Variants in SPO11 observed in about 807,000 individuals in gnomAD.
The protein encoded by SPO11 is SPO11 initiator of meiotic double strand breaks.
SPO11 carries 49 observed loss-of-function variants against 51.6 expected under a neutral mutation model. The ratio of observed to expected loss-of-function variants is 0.95; its 90% CI spans 0.75 to 1.20. The LOEUF (loss-of-function observed/expected upper bound fraction) is 1.20, where lower values mean the gene tolerates loss of function less well. Among genes scored for constraint, SPO11 ranks in the 50% most tolerant of loss-of-function variants. The probability of loss-of-function intolerance (pLI) is 0.00; values close to 1 mark genes in which losing one functional copy is unlikely to be tolerated. For synonymous variants in SPO11, 176 were observed against 158.2 expected, an observed-to-expected ratio of 1.11 and a Z score of -0.84; for missense variants, 431 against 473.4, an observed-to-expected ratio of 0.91 and a Z score of 0.83.
intron 8 of SPO11, among the ~76,000 whole-genome samples, chr20:57,336,282 C>T (rs968208810): frequency 6.6e-6 from 1 of 152,164 alleles, no homozygotes; most frequent in Admixed American, 6.5e-5. Flanking sequence ...CAATGAGGTC[C>T]ACACGTCAGA....
intron 5 of SPO11, 122 bp from the exon 6 acceptor site, chr20:57,334,628 A>C (rs778725171): frequency 4.5e-6 from 3 of 669,198 alleles, no homozygotes; most frequent in Non-Finnish European, 7.4e-6. Context: ...TTTCTCTTTC[A>C]TCTCTGAAAT....
At chr20:57,338,012 C>A (rs1335412340) in intron 8 of SPO11, among the ~76,000 whole-genome samples, 1 of 151,710 alleles carries the variant, frequency 6.6e-6, no homozygotes, top group Non-Finnish European at 1.5e-5. Context: ...CTCAGCCTCC[C>A]GAGTACCTGG....
chr20:57,336,052 G>T, intron 8 of SPO11, 145 bp downstream of exon 8: 4 of 570,262 alleles, frequency 7.0e-6, no homozygotes, highest in South Asian at 2.5e-5. Flanking sequence ...TTTCCAATGT[G>T]TTTATTTAAA....
chr20:57,337,191 T>C (rs1485623676), intron 8 of SPO11, among the ~76,000 whole-genome samples: 1 of 152,208 alleles, frequency 6.6e-6, no homozygotes, highest in Non-Finnish European at 1.5e-5. Flanking sequence ...GCGCTCTTCC[T>C]CTGCTCTCTG....
Position 57,334,836 on chromosome 20 carries a change from G to A in SPO11, c.597G>A (p.Thr199=), listed in dbSNP as rs772310926. ...GTKVNCTCGA[T]AVAVPSNIQG... ...AAGTGAATTGTACCTGTGGTGCAAC[G>A]GTAAGAAGCATCATTGAAGTTTTCA... Residue 199 remains threonine, a splice_region_variant and synonymous_variant, in exon 6 of 13, where the codon ACG becomes ACA. Transcript: ENST00000371263. 12 of 1,612,126 alleles carry A rather than the reference G, an allele frequency of 7.4e-6. No homozygotes were observed. Among genetic ancestry groups the A allele is most frequent in the Admixed American group, 5.0e-5 (3 of 59,904 alleles).
At chr20:57,342,516 T>C (rs1176026594) in intron 11 of SPO11, among the ~76,000 whole-genome samples, 5 of 152,180 alleles carry the variant, frequency 3.3e-5, no homozygotes, top group Admixed American at 6.6e-5. Context: ...CTTTAGAATC[T>C]TACTGTGGAA....
At chr20:57,331,126 A>AT (rs1324443669) in intron 1 of SPO11, among the ~76,000 whole-genome samples, 1 of 152,198 alleles carries the variant, frequency 6.6e-6, no homozygotes, top group Non-Finnish European at 1.5e-5. Context: ...ACAGAACAAC[A>AT]TTTTTTGCAG....
Position 57,329,967 on chromosome 20 carries a change from C to T in SPO11, c.100C>T (p.Pro34Ser), listed in dbSNP as rs142999149. 4.9e-5 allele frequency: 79 copies of T among 1,609,842 alleles called. No homozygotes were observed. The African/African-American group carries it at 7.2e-4, about 15-fold the overall frequency. ...LAALRRGGRE[P>S]PTGGSRLASS... ...TGCCCTGAGGAGAGGTGGCAGGGAG[C>T]CCCCAACTGGGGGAAGCCGCCTGGC... The change falls in exon 1 of 13, where the codon CCC becomes TCC. Residue 34 changes from proline to serine, a missense_variant. Transcript: ENST00000371263.
intron 8 of SPO11, among the ~76,000 whole-genome samples, chr20:57,337,281 G>A: frequency 6.6e-6 from 1 of 152,232 alleles, no homozygotes; most frequent in South Asian, 2.1e-4. Context: ...TTATTTTAAT[G>A]ACTTCATAAT....
chr20:57,337,019 C>G (rs1304670314), intron 8 of SPO11, among the ~76,000 whole-genome samples: 1 of 152,122 alleles, frequency 6.6e-6, no homozygotes, highest in African/African-American at 2.4e-5. Context: ...ATAATGCCAT[C>G]ACTTGGTGTG....
At chr20:57,339,128 G>A (rs1600686139) in intron 10 of SPO11, 102 bp downstream of exon 10, 2 of 714,066 alleles carry the variant, frequency 2.8e-6, no homozygotes, top group Admixed American at 3.3e-5. Context: ...GGCTGAGAGT[G>A]CCCAAAGTGT....
chr20:57,332,182 G>A (rs769307642), intron 2 of SPO11, among the ~76,000 whole-genome samples: 5 of 152,194 alleles, frequency 3.3e-5, no homozygotes, highest in Non-Finnish European at 7.3e-5. Context: ...AGCACCAGAA[G>A]AGGTTAGAAT....
intron 8 of SPO11, among the ~76,000 whole-genome samples, chr20:57,336,421 G>A (rs1396529083): frequency 6.6e-6 from 1 of 151,974 alleles, no homozygotes; most frequent in East Asian, 1.9e-4. Flanking sequence ...CAACCACCTG[G>A]TAGCCTCCAG....
In SPO11 at chr20:57,331,718, G is replaced by C. The variant is rs140422206; in HGVS notation, c.132-115G>C. 1.3e-3 allele frequency: 656 copies of C among 516,148 alleles called. 6 individuals are homozygous for C. The highest frequency in any genetic ancestry group is 0.011 in the African/African-American group (581 of 50,528). The allele number at this position is 516,148 out of a possible 1,614,324, so 32.0% of individuals were successfully genotyped here. ...TTTAAAACCCCACCCCAATTACCTAGTCTTAAAAAAGAATAAAATAAAAAG... is the reference window on the plus strand; with the variant it reads ...TTTAAAACCCCACCCCAATTACCTACTCTTAAAAAAGAATAAAATAAAAAG... On this transcript the variant is annotated intron_variant, in intron 1 of 12. Coordinates refer to ENST00000371263, the MANE Select transcript of SPO11 (RefSeq NM_012444.3).
At position 57,343,346 on chromosome 20, in the gene SPO11, A is replaced by G. The variant is rs142411510; in HGVS notation, c.1077A>G (p.Glu359=). The G allele has an allele frequency of 1.2e-5, 20 of 1,607,492 alleles. No individual in the cohort carries two copies. Among genetic ancestry groups the G allele is most frequent in the Admixed American group, 1.7e-5 (1 of 58,284 alleles). The change falls in exon 13 of 13, where the codon GAA becomes GAG. Residue 359 remains glutamate, a synonymous_variant. Coordinates refer to ENST00000371263, the MANE Select transcript of SPO11 (RefSeq NM_012444.3). ...TCQPFWRKEM[E]IMADSKMKAE... ...CATTTTACTTTTATTGACAGATGGA[A>G]ATAATGGCAGACTCTAAAATGAAGG...
chr20:57,342,693 C>T, intron 11 of SPO11, 36 bp from the exon 12 acceptor site: 1 of 1,391,070 alleles, frequency 7.2e-7, no homozygotes, highest in Non-Finnish European at 1.0e-6. Flanking sequence ...TACAGAAACA[C>T]TTTTTTACTG....
At position 57,329,946 on chromosome 20, in the gene SPO11, C is replaced by G. The variant is rs200440718; in HGVS notation, c.79C>G (p.Leu27Val). Residue 27 changes from leucine to valine, a missense_variant, in exon 1 of 13, where the codon CTG becomes GTG. Leu to Val is a conservative substitution (Grantham distance 32). This residue lies in a region of SPO11 where 405 missense variants were observed against 425.9 expected (regional missense o/e 0.95). Transcript: ENST00000371263. ...ACACAGGGAGTCCCTGCTGGCTGCC[C>G]TGAGGAGAGGTGGCAGGGAGCCCCC... The part of the protein sequence containing the change: ...DRHRESLLAA[L>V]RRGGREPPTG... The G allele has an allele frequency of 6.2e-7, 1 of 1,613,158 alleles. No individual in the cohort carries two copies. Among genetic ancestry groups the G allele is most frequent in the Non-Finnish European group, 8.5e-7 (1 of 1,179,788 alleles).
rs745793621 is a variant in SPO11 at position 57,333,201 on chromosome 20, G to C, written c.259G>C (p.Val87Leu). 1.2e-6 allele frequency: 2 copies of C among 1,602,224 alleles called. No homozygotes were observed. Among genetic ancestry groups the C allele is most frequent in the South Asian group, 2.3e-5 (2 of 88,018 alleles). The change falls in exon 3 of 13, where the codon GTG (valine) becomes CTG (leucine). Residue 87 changes from valine to leucine, a missense_variant. Physicochemically the swap from Val to Leu is conservative, Grantham distance 32 (BLOSUM62 1). Around this residue, in one of 3 missense-constraint regions of SPO11, gnomAD observed 405 missense variants for 425.9 expected, o/e 0.95. Transcript: ENST00000371263. The stretch of plus-strand genomic sequence containing the variant: ...ACAAAATGACAGGTTTGAAGATTCT[G>C]TGGGTCTTCAGATGGTATCCCATTG... ...SWENIKFEDS[V>L]GLQMVSHCTT...
chr20:57,338,399 C>A, intron 9 of SPO11, 24 bp downstream of exon 9: 4 of 1,386,442 alleles, frequency 2.9e-6, no homozygotes, highest in Non-Finnish European at 4.1e-6. Context: ...GGACTATTTA[C>A]AACAATAGTC....
Sources: gnomAD v4.1 joint callset for allele counts (sites outside exome capture counted in the v4.1 genomes callset) on GRCh38, gnomAD v4.1.1 for gene constraint, gnomAD v4.1.1 regional missense constraint, MANE v1.5 for transcripts, NCBI Gene and HGNC (gene_info 2026-07-23, HGNC 2026-07-21) for gene names.